Variants in PPFIA2 observed in about 807,000 individuals in gnomAD.
The protein encoded by PPFIA2 is PPFI scaffold protein A2.
PPFIA2 carries 46 observed loss-of-function variants against 175.5 expected under a neutral mutation model. The ratio of observed to expected loss-of-function variants is 0.26; its 90% CI spans 0.21 to 0.34. PPFIA2 has a LOEUF of 0.34. PPFIA2 is among the 10% of genes least tolerant of loss of function. The probability of loss-of-function intolerance (pLI) is 1.00; values close to 1 mark genes in which losing one functional copy is unlikely to be tolerated. For synonymous variants in PPFIA2, 568 were observed against 511.4 expected, an observed-to-expected ratio of 1.11 and a Z score of -1.49; for missense variants, 1,179 against 1,506.1, an observed-to-expected ratio of 0.78 and a Z score of 3.60.
intron 22 of PPFIA2, among the ~76,000 whole-genome samples, chr12:81,313,437 C>G (rs537821315): frequency 3.7e-4 from 57 of 152,118 alleles, no homozygotes; most frequent in African/African-American, 1.2e-3. Flanking sequence ...AAACCGTGTA[C>G]TTTTTATTAA....
At chr12:81,494,050 A>C (rs2059740796) in intron 4 of PPFIA2, among the ~76,000 whole-genome samples, 1 of 151,994 alleles carries the variant, frequency 6.6e-6, no homozygotes, top group Non-Finnish European at 1.5e-5. Context: ...CTTCATGTCT[A>C]AAACACCAAA....
rs558902078 is a variant in PPFIA2, at chr12:81,356,670, T to TA, written c.1773+1411dup. Among the ~76,000 whole-genome samples, 411 of 149,730 alleles carry TA rather than the reference T, an allele frequency of 2.7e-3. 6 individuals are homozygous for TA. The highest frequency in any genetic ancestry group is 9.5e-3 in the African/African-American group (387 of 40,758). ...AGAATAATACCCTGTCTCAAAAAAA[T>TA]AAAAAAAAAGAAATATTGTGAAAAT... On this transcript the variant is annotated intron_variant, in intron 16 of 32. Coordinates refer to ENST00000549396, the MANE Select transcript of PPFIA2 (RefSeq NM_003625.5).
intron 8 of PPFIA2, among the ~76,000 whole-genome samples, chr12:81,386,208 T>C (rs1255635810): frequency 2.0e-5 from 3 of 150,872 alleles, no homozygotes; most frequent in Non-Finnish European, 4.4e-5. Context: ...AGCCTAGGAG[T>C]TTGAGGCTGT....
In PPFIA2 at chr12:81,439,342, T is replaced by C. The variant is rs182540744; in HGVS notation, c.645+630A>G. On this transcript the variant is annotated intron_variant, in intron 7 of 32. Transcript: ENST00000549396. The stretch of plus-strand genomic sequence containing the variant: ...ATACATATTTAGAGAGAGATAAATA[T>C]AGATAGATACATGTATATATAAACA... Among the ~76,000 whole-genome samples the C allele has an allele frequency of 5.2e-4, 79 of 151,500 alleles. 1 individual carries two copies. Among genetic ancestry groups the C allele is most frequent in the African/African-American group, 1.9e-3 (78 of 41,400 alleles).
At chr12:81,706,028 C>A (rs1329005887) in intron 3 of PPFIA2, among the ~76,000 whole-genome samples, 1 of 151,942 alleles carries the variant, frequency 6.6e-6, no homozygotes, top group African/African-American at 2.4e-5. Flanking sequence ...ATTTATTTTT[C>A]TTATTTCAAA....
At chr12:81,665,098 A>C (rs1396962459) in intron 4 of PPFIA2, among the ~76,000 whole-genome samples, 2 of 151,998 alleles carry the variant, frequency 1.3e-5, no homozygotes, top group East Asian at 3.9e-4. Flanking sequence ...ATGATGAGTT[A>C]ATGGGTACAG....
At chr12:81,568,234 G>A (rs1347555707) in intron 4 of PPFIA2, among the ~76,000 whole-genome samples, 1 of 152,184 alleles carries the variant, frequency 6.6e-6, no homozygotes, top group Admixed American at 6.5e-5. Flanking sequence ...TCTCTGAGAT[G>A]ACAGTGCAGG....
chr12:81,399,876 GC>G (rs1230202994), intron 8 of PPFIA2, among the ~76,000 whole-genome samples: 2 of 152,066 alleles, frequency 1.3e-5, no homozygotes, highest in Non-Finnish European at 2.9e-5. Flanking sequence ...TTGTAAATAA[GC>G]CCAATTATAT....
chr12:81,666,990 ATTT>A (rs1198534283), intron 4 of PPFIA2, among the ~76,000 whole-genome samples: 5 of 152,074 alleles, frequency 3.3e-5, no homozygotes, highest in Admixed American at 3.3e-4. Context: ...ACTTTCTATA[ATTT>A]TATTAACTTT....
At chr12:81,566,530 C>CA (rs3075452) in intron 4 of PPFIA2, among the ~76,000 whole-genome samples, 3,529 of 68,486 alleles carry the variant, frequency 0.052, 137 homozygotes, top group Non-Finnish European at 0.071. Context: ...GACTCCAACT[C>CA]AAAAAAAAAA....
At chr12:81,459,288 T>C (rs933891408) in intron 4 of PPFIA2, among the ~76,000 whole-genome samples, 1 of 152,130 alleles carries the variant, frequency 6.6e-6, no homozygotes, top group African/African-American at 2.4e-5. Context: ...CAATAAACCT[T>C]TCTCTAGAAA....
chr12:81,727,942 G>A (rs1349733341), intron 3 of PPFIA2, among the ~76,000 whole-genome samples: 1 of 151,170 alleles, frequency 6.6e-6, no homozygotes, highest in Non-Finnish European at 1.5e-5. Flanking sequence ...TCTATTTCAC[G>A]GGTTTATAAG....
chr12:81,263,622 T>C (rs2036324830), intron 30 of PPFIA2, among the ~76,000 whole-genome samples: 1 of 152,230 alleles, frequency 6.6e-6, no homozygotes, highest in Non-Finnish European at 1.5e-5. Context: ...AAATTTAAGG[T>C]CTGACATCTA....
chr12:81,397,599 G>T (rs1394855903), intron 8 of PPFIA2, among the ~76,000 whole-genome samples: 3 of 151,992 alleles, frequency 2.0e-5, no homozygotes, highest in Non-Finnish European at 4.4e-5. Context: ...ATTGAAATAG[G>T]TTTATAAGGG....
intron 4 of PPFIA2, among the ~76,000 whole-genome samples, chr12:81,508,538 A>T (rs1235504994): frequency 1.3e-5 from 2 of 150,944 alleles, no homozygotes; most frequent in Non-Finnish European, 3.0e-5. Context: ...AAAAAAAAAA[A>T]AAAAAAAGCT....
At chr12:81,294,801 C>CACTGAGGAAGGGGAGGAGCAGAA in intron 24 of PPFIA2, 34 bp downstream of exon 24, 1 of 1,597,448 alleles carries the variant, frequency 6.3e-7, no homozygotes, top group Non-Finnish European at 8.5e-7. Flanking sequence ...ATTTGCCTAG[C>CACTGAGGAAGGGGAGGAGCAGAA]ACTGAGGAAG....
At chr12:81,333,788 A>G (rs1452250055) in intron 21 of PPFIA2, among the ~76,000 whole-genome samples, 1 of 152,168 alleles carries the variant, frequency 6.6e-6, no homozygotes, top group Admixed American at 6.5e-5. Flanking sequence ...TAATCCATCA[A>G]TCAGATACCT....
chr12:81,284,674 A>G (rs12313894), intron 24 of PPFIA2, among the ~76,000 whole-genome samples: 63,420 of 152,000 alleles, frequency 0.42, 14,225 homozygotes, highest in Middle Eastern at 0.51. Flanking sequence ...ATGTAATTTT[A>G]ATTTTTTACT....
At chr12:81,325,529 A>G (rs1398560842) in intron 22 of PPFIA2, among the ~76,000 whole-genome samples, 1 of 152,166 alleles carries the variant, frequency 6.6e-6, no homozygotes, top group East Asian at 1.9e-4. Flanking sequence ...GGATTTTGAA[A>G]CAAATCTATG....
Sources: allele counts gnomAD v4.1 joint callset (sites outside exome capture counted in the v4.1 genomes callset), GRCh38; gene constraint gnomAD v4.1.1; transcripts MANE v1.5; gene names NCBI Gene and HGNC (gene_info 2026-07-23, HGNC 2026-07-21).